The following C12orf54 variants were observed in gnomAD, a reference collection of about 807,000 sequenced individuals.
C12orf54 encodes uncharacterized protein C12orf54.
In C12orf54, 24 loss-of-function variants were observed where a neutral mutation model predicts 26.4. That is an observed-to-expected ratio of 0.91 (90% CI 0.66 to 1.28). The LOEUF is 1.28. Among genes scored for constraint, C12orf54 ranks in the 50% most tolerant of loss-of-function variants. The pLI is 0.00. For missense variants in C12orf54, 154 were observed against 150.9 expected, an observed-to-expected ratio of 1.02 and a Z score of -0.11; for synonymous variants, 54 against 47.0, an observed-to-expected ratio of 1.15 and a Z score of -0.61.
At chr12:48,481,315 T>G (rs1489558242), upstream of C12orf54, among the ~76,000 whole-genome samples, 3 of 152,132 alleles carry the variant, frequency 2.0e-5, no homozygotes, top group Non-Finnish European at 4.4e-5. Flanking sequence ...TAAAAGTCCC[T>G]GTGATGTGAG....
chr12:48,473,410 C>T, the C12orf54 span: 1 of 748,882 alleles, frequency 1.3e-6, no homozygotes. Context: ...GAAGACGATG[C>T]CTAAGTGGAA....
chr12:48,489,827 T>G (rs1292753030), intron 5 of C12orf54, among the ~76,000 whole-genome samples: 1 of 151,988 alleles, frequency 6.6e-6, no homozygotes, highest in Non-Finnish European at 1.5e-5. Flanking sequence ...GTTCCAGTGA[T>G]TCTCCTGCCT....
chr12:48,423,978 A>G, the C12orf54 span, among the ~76,000 whole-genome samples: 2 of 152,024 alleles, frequency 1.3e-5, no homozygotes, highest in Admixed American at 1.3e-4. Flanking sequence ...TAATTTTTAA[A>G]ATATATATGT....
chr12:48,428,227 G>A, the C12orf54 span, among the ~76,000 whole-genome samples: 1 of 151,598 alleles, frequency 6.6e-6, no homozygotes, highest in Non-Finnish European at 1.5e-5. Context: ...GACTGAAAGA[G>A]CACAAACTGA....
At chr12:48,439,380 C>T in the C12orf54 span, among the ~76,000 whole-genome samples, 1 of 152,148 alleles carries the variant, frequency 6.6e-6, no homozygotes, top group Non-Finnish European at 1.5e-5. Flanking sequence ...CCATTTGACC[C>T]AGTCATCTCA....
At chr12:48,456,067 C>G in the C12orf54 span, among the ~76,000 whole-genome samples, 1 of 152,158 alleles carries the variant, frequency 6.6e-6, no homozygotes, top group African/African-American at 2.4e-5. Flanking sequence ...AATATTATGT[C>G]AGTAGTTTGT....
At chr12:48,484,657 T>C (rs1317250937) in intron 2 of C12orf54, among the ~76,000 whole-genome samples, 1 of 152,202 alleles carries the variant, frequency 6.6e-6, no homozygotes. Context: ...AGGGTTGAGG[T>C]TCAATAGCAT....
chr12:48,421,086 G>C, the C12orf54 span, among the ~76,000 whole-genome samples: 1 of 151,874 alleles, frequency 6.6e-6, no homozygotes, highest in East Asian at 1.9e-4. Flanking sequence ...TTATCCTTTT[G>C]TCTGTATGTC....
chr12:48,450,830 A>C, the C12orf54 span, among the ~76,000 whole-genome samples: 1 of 152,196 alleles, frequency 6.6e-6, no homozygotes, highest in Non-Finnish European at 1.5e-5. Flanking sequence ...TTGAGGCAGT[A>C]ATAAATAGCC....
At chr12:48,476,933 C>G in the C12orf54 span, among the ~76,000 whole-genome samples, 1 of 152,244 alleles carries the variant, frequency 6.6e-6, no homozygotes, top group Non-Finnish European at 1.5e-5. Flanking sequence ...CCCAAATCAA[C>G]AGAATATACA....
At chr12:48,480,527 T>C (rs1954188022), upstream of C12orf54, among the ~76,000 whole-genome samples, 1 of 152,154 alleles carries the variant, frequency 6.6e-6, no homozygotes, top group South Asian at 2.1e-4. Context: ...AAAATCACAA[T>C]GAGACATCTC....
the C12orf54 span, among the ~76,000 whole-genome samples, chr12:48,420,834 TAA>T: frequency 2.4e-4 from 37 of 152,352 alleles, no homozygotes; most frequent in Admixed American, 8.5e-4. Flanking sequence ...TAGTCTTGAA[TAA>T]AGTCTACCTT....
the C12orf54 span, among the ~76,000 whole-genome samples, chr12:48,461,666 A>G: frequency 1.3e-5 from 2 of 151,904 alleles, no homozygotes; most frequent in Non-Finnish European, 2.9e-5. Flanking sequence ...AAGGAAAATT[A>G]GAAGGCATTT....
the C12orf54 span, among the ~76,000 whole-genome samples, chr12:48,421,335 A>G: frequency 3.6e-5 from 2 of 56,136 alleles, no homozygotes; most frequent in African/African-American, 1.0e-4. Flanking sequence ...GGTGCCACAC[A>G]TTTTTCAACA....
At chr12:48,447,038 A>G in the C12orf54 span, among the ~76,000 whole-genome samples, 1 of 152,148 alleles carries the variant, frequency 6.6e-6, no homozygotes, top group Admixed American at 6.6e-5. Context: ...TATATAATTC[A>G]CCTTAATTCT....
At chr12:48,470,477 C>T in the C12orf54 span, among the ~76,000 whole-genome samples, 1 of 152,018 alleles carries the variant, frequency 6.6e-6, no homozygotes, top group Non-Finnish European at 1.5e-5. Flanking sequence ...TGTGTTCTTT[C>T]GAGAAGTGTC....
the C12orf54 span, among the ~76,000 whole-genome samples, chr12:48,450,175 C>T: frequency 2.0e-5 from 3 of 152,086 alleles, no homozygotes; most frequent in Admixed American, 6.6e-5. Flanking sequence ...GGAGAAGAAA[C>T]AATCCTTTCT....
At chr12:48,467,749 T>C in the C12orf54 span, among the ~76,000 whole-genome samples, 1 of 152,178 alleles carries the variant, frequency 6.6e-6, no homozygotes, top group Non-Finnish European at 1.5e-5. Flanking sequence ...ATTTCATGGG[T>C]GTATACGCAT....
the C12orf54 span, among the ~76,000 whole-genome samples, chr12:48,429,404 T>C: frequency 6.6e-6 from 1 of 151,840 alleles, no homozygotes; most frequent in South Asian, 2.1e-4. Context: ...GATATGACTG[T>C]TTACCTCAAA....
Sources: allele counts gnomAD v4.1 joint callset (sites outside exome capture counted in the v4.1 genomes callset), GRCh38; gene constraint gnomAD v4.1.1; transcripts MANE v1.5; gene names NCBI Gene and HGNC (gene_info 2026-07-23, HGNC 2026-07-21).